Variants in EEFSEC observed in about 807,000 individuals in gnomAD.
EEFSEC encodes eukaryotic elongation factor, selenocysteine-tRNA specific.
A neutral mutation model predicts 42.1 loss-of-function variants in EEFSEC; 43 were observed. The observed-to-expected ratio is 1.02, with a 90% confidence interval of 0.80 to 1.32. The LOEUF (loss-of-function observed/expected upper bound fraction) is 1.32. EEFSEC is among the 40% of genes most tolerant of loss of function. The probability of loss-of-function intolerance (pLI) is 0.00; values close to 1 mark genes in which losing one functional copy is unlikely to be tolerated. For missense variants in EEFSEC, 745 were observed against 803.6 expected (o/e 0.93, Z 0.88); for synonymous variants, 354 against 339.1 (o/e 1.04, Z -0.48).
intron 4 of EEFSEC, among the ~76,000 whole-genome samples, chr3:128,292,299 T>A (rs2066652327): frequency 6.6e-6 from 1 of 152,060 alleles, no homozygotes; most frequent in Non-Finnish European, 1.5e-5. Context: ...AATGTCTATG[T>A]CATGTTTTAA....
intron 1 of EEFSEC, among the ~76,000 whole-genome samples, chr3:128,186,381 C>T (rs1465726668): frequency 6.6e-6 from 1 of 152,176 alleles, no homozygotes; most frequent in African/African-American, 2.4e-5. Context: ...GTTGTCTTTT[C>T]ACTTTCTTGA....
intron 6 of EEFSEC, among the ~76,000 whole-genome samples, chr3:128,393,234 G>A (rs2067937869): frequency 6.6e-6 from 1 of 152,226 alleles, no homozygotes; most frequent in Non-Finnish European, 1.5e-5. Flanking sequence ...CAAGGAGGCT[G>A]AAGTTCAGTG....
Position 128,364,549 on chromosome 3 carries a change from G to C in EEFSEC, c.1600+6176G>C, listed in dbSNP as rs866854464. Among the ~76,000 whole-genome samples the C allele has an allele frequency of 4.6e-5, 7 of 152,350 alleles. No individual in the cohort carries two copies. In the South Asian group the frequency reaches 1.0e-3, roughly 23 times the overall value. The stretch of plus-strand genomic sequence containing the variant: ...GGACAGTGGAAAGACCATGGGATGG[G>C]GAGTCGGGAACCTGGCCCTCATACC... On this transcript the variant is annotated intron_variant, in intron 6 of 6. Transcript: ENST00000254730.
intron 6 of EEFSEC, among the ~76,000 whole-genome samples, chr3:128,383,414 G>A (rs905866699): frequency 2.0e-5 from 3 of 152,240 alleles, no homozygotes; most frequent in Non-Finnish European, 4.4e-5. Context: ...TGTGCCAGCC[G>A]CTGTTCTAAG....
chr3:128,408,842 TG>T (rs1447393475), downstream of EEFSEC, among the ~76,000 whole-genome samples: 4 of 152,222 alleles, frequency 2.6e-5, no homozygotes, highest in East Asian at 5.8e-4. Context: ...TGGGGCGCTC[TG>T]GGCCTTCAGG....
rs201794598 is a variant in EEFSEC, at chr3:128,358,276, G to T, written c.1503G>T (p.Gln501His). ...RSLFKKETNIQLFVGLKVHLS... is the reference protein window; with the variant it reads ...RSLFKKETNIHLFVGLKVHLS... Reference sequence around the variant, plus strand: ...TGTTCAAAAAGGAAACCAACATCCAGCTCTTCGTGGGGCTCAAGGTGCACT... The same window carrying T: ...TGTTCAAAAAGGAAACCAACATCCATCTCTTCGTGGGGCTCAAGGTGCACT... Residue 501 changes from glutamine (Q) to histidine (H), a missense_variant, in exon 6 of 7, where the codon CAG becomes CAT. Physicochemically the swap from Gln to His is conservative, Grantham distance 24 (BLOSUM62 0). Coordinates refer to ENST00000254730, the MANE Select transcript of EEFSEC (RefSeq NM_021937.5). 71 of 1,614,106 alleles carry T rather than the reference G, an allele frequency of 4.4e-5. No homozygotes were observed. Among genetic ancestry groups the T allele is most frequent in the Non-Finnish European group, 5.7e-5 (67 of 1,180,040 alleles).
At position 128,408,499 on chromosome 3, in the gene EEFSEC, C is replaced by T. The variant is rs2068149331; in HGVS notation, c.*240C>T. ...CCACCCAGGACAGCCCCCAGCCCAA[C>T]TAGGAAAGGGCCATGGGCAGAGGGC... On this transcript the variant is annotated 3_prime_UTR_variant, in exon 7 of 7. Coordinates refer to ENST00000254730, the MANE Select transcript of EEFSEC (RefSeq NM_021937.5). The T allele has an allele frequency of 4.9e-6, 2 of 405,108 alleles. No homozygotes were observed. Among genetic ancestry groups the T allele is most frequent in the East Asian group, 7.4e-5 (2 of 26,972 alleles). 25.1% of individuals were successfully genotyped at this position (405,108 alleles called of 1,614,324 possible).
intron 1 of EEFSEC, among the ~76,000 whole-genome samples, chr3:128,197,076 T>C (rs901465949): frequency 3.9e-5 from 6 of 152,252 alleles, no homozygotes; most frequent in Non-Finnish European, 7.3e-5. Flanking sequence ...TTTTGTAAGT[T>C]GCTTTACATC....
intron 4 of EEFSEC, among the ~76,000 whole-genome samples, chr3:128,298,623 A>G (rs2066734671): frequency 6.6e-6 from 1 of 152,194 alleles, no homozygotes; most frequent in African/African-American, 2.4e-5. Context: ...TTTGAACTAT[A>G]CAATACATTA....
At chr3:128,295,452 T>TTTTTTA (rs2066693792) in intron 4 of EEFSEC, among the ~76,000 whole-genome samples, 1 of 22,494 alleles carries the variant, frequency 4.4e-5, no homozygotes, top group African/African-American at 1.5e-4. Flanking sequence ...TTCCCCCTAC[T>TTTTTTA]TTTTTTTTTT....
chr3:128,408,887 G>A (rs1000260203), downstream of EEFSEC, among the ~76,000 whole-genome samples: 1 of 152,206 alleles, frequency 6.6e-6, no homozygotes, highest in African/African-American at 2.4e-5. Context: ...CTGGGTCCAG[G>A]GAAGGTACCC....
intron 6 of EEFSEC, among the ~76,000 whole-genome samples, chr3:128,400,888 C>T (rs902650024): frequency 2.6e-5 from 4 of 152,080 alleles, no homozygotes; most frequent in South Asian, 4.1e-4. Context: ...GTGGAGCTGG[C>T]GCTTGGTGAG....
At chr3:128,353,892 C>A (rs1364578386) in intron 5 of EEFSEC, among the ~76,000 whole-genome samples, 1 of 152,192 alleles carries the variant, frequency 6.6e-6, no homozygotes, top group East Asian at 1.9e-4. Context: ...CATGACATGG[C>A]TGAGGACACT....
chr3:128,270,439 A>G (rs1393600093), intron 4 of EEFSEC, among the ~76,000 whole-genome samples: 1 of 152,196 alleles, frequency 6.6e-6, no homozygotes, highest in African/African-American at 2.4e-5. Context: ...TTGGATACCT[A>G]TTTAGTTGAT....
chr3:128,193,783 A>T (rs2065551758), intron 1 of EEFSEC, among the ~76,000 whole-genome samples: 1 of 152,090 alleles, frequency 6.6e-6, no homozygotes, highest in South Asian at 2.1e-4. Flanking sequence ...CTCCAAAGCC[A>T]TTTCTCCTAG....
At chr3:128,341,923 C>T (rs1296114268) in intron 5 of EEFSEC, 34 bp downstream of exon 5, 17 of 1,591,788 alleles carry the variant, frequency 1.1e-5, no homozygotes, top group African/African-American at 1.3e-5. Context: ...CACACCCCTT[C>T]CCTTCTTGCT....
intron 1 of EEFSEC, 141 bp from the exon 2 acceptor site, chr3:128,246,695 C>A: frequency 1.1e-6 from 1 of 874,816 alleles, no homozygotes; most frequent in Non-Finnish European, 1.8e-6. Flanking sequence ...TAGCACAGGG[C>A]CTGTAGCCAG....
At chr3:128,163,427 A>G (rs1056800152) in intron 1 of EEFSEC, among the ~76,000 whole-genome samples, 1 of 152,098 alleles carries the variant, frequency 6.6e-6, no homozygotes, top group Non-Finnish European at 1.5e-5. Flanking sequence ...TCATCTCTGT[A>G]GGTCTAGGGC....
At chr3:128,188,646 G>T (rs563010878) in intron 1 of EEFSEC, among the ~76,000 whole-genome samples, 1 of 152,168 alleles carries the variant, frequency 6.6e-6, no homozygotes, top group South Asian at 2.1e-4. Context: ...CCACAGTATC[G>T]CATCTAATTG....
Sources: gnomAD v4.1 joint callset for allele counts (sites outside exome capture counted in the v4.1 genomes callset) on GRCh38, gnomAD v4.1.1 for gene constraint, MANE v1.5 for transcripts, NCBI Gene and HGNC (gene_info 2026-07-23, HGNC 2026-07-21) for gene names.